FZR1: variants seen among roughly 807,000 people sequenced by gnomAD.
FZR1 encodes the protein fizzy and cell division cycle 20 related 1, also known as fizzy-related protein homolog.
In FZR1, 11 loss-of-function variants were observed where a neutral mutation model predicts 63.6. The observed-to-expected ratio is 0.17, with a 90% CI of 0.11 to 0.29. FZR1 has a LOEUF of 0.29. Ranked by LOEUF, FZR1 falls within the 10% of genes least tolerant of loss-of-function variation. The pLI is 1.00. For synonymous variants in FZR1, 328 were observed against 297.9 expected (o/e 1.10, Z -1.04); for missense variants, 440 against 687.5 (o/e 0.64, Z 4.03).
At chr19:3,508,847 A>G (rs1038055015) in intron 1 of FZR1, among the ~76,000 whole-genome samples, 4 of 152,180 alleles carry the variant, frequency 2.6e-5, no homozygotes, top group African/African-American at 9.7e-5. Flanking sequence ...ACGGCCCAGT[A>G]CAGAAAGCAG....
intron 1 of FZR1, among the ~76,000 whole-genome samples, chr19:3,522,059 A>G (rs1349837113): frequency 6.6e-6 from 1 of 152,162 alleles, no homozygotes; most frequent in Non-Finnish European, 1.5e-5. Context: ...TGATTGTGCC[A>G]TGGCACTACA....
chr19:3,521,021 G>A (rs1007200775), intron 1 of FZR1, among the ~76,000 whole-genome samples: 4 of 152,212 alleles, frequency 2.6e-5, no homozygotes, highest in Non-Finnish European at 4.4e-5. Flanking sequence ...GCGTGTCCGC[G>A]CTGTGGCCTG....
rs752397201 is a variant in FZR1 at position 3,531,892 on chromosome 19, G to C, written c.824-19G>C. ...GCGAGGGCAGGAGAGGCTCACCCCC[G>C]CTTCCACCTGGCCTCCAGGGGCGCT... On this transcript the variant is annotated intron_variant, in intron 9 of 13. Transcript: ENST00000441788. 6.3e-7 allele frequency: 1 copy of C among 1,582,016 alleles called. No homozygotes were observed. The highest frequency in any genetic ancestry group is 1.3e-5 in the African/African-American group (1 of 74,532).
At chr19:3,532,986 G>A (rs2122024026) in intron 11 of FZR1, among the ~76,000 whole-genome samples, 1 of 152,062 alleles carries the variant, frequency 6.6e-6, no homozygotes, top group Middle Eastern at 3.4e-3. Flanking sequence ...GCCTGCTCCA[G>A]CCACTCCGGG....
chr19:3,529,295 T>TG (rs955878918), intron 7 of FZR1, among the ~76,000 whole-genome samples: 2 of 122,100 alleles, frequency 1.6e-5, no homozygotes, highest in African/African-American at 6.5e-5. Context: ...AGGAAGTGGA[T>TG]GGTTGAGTGG....
intron 12 of FZR1, 109 bp from the exon 13 acceptor site, chr19:3,534,312 T>TG: frequency 1.7e-6 from 1 of 597,780 alleles, no homozygotes; most frequent in Non-Finnish European, 3.0e-6. Context: ...CTCCAGAGTC[T>TG]GGGGGGCCCA....
chr19:3,510,281 C>T (rs540207113), intron 1 of FZR1, among the ~76,000 whole-genome samples: 3 of 152,282 alleles, frequency 2.0e-5, no homozygotes, highest in East Asian at 1.9e-4. Flanking sequence ...GGACTCCAGG[C>T]GCGCCACCAT....
intron 2 of FZR1, among the ~76,000 whole-genome samples, chr19:3,524,876 C>T (rs1000104529): frequency 4.6e-5 from 7 of 152,186 alleles, no homozygotes; most frequent in Non-Finnish European, 1.0e-4. Flanking sequence ...AATCAGGGCT[C>T]ACCCTAATGG....
rs1030517459 is a variant in FZR1 at position 3,526,860 on chromosome 19, C to T, written c.388-120C>T. The stretch of plus-strand genomic sequence containing the variant: ...CGCCTGCCTTTTTACAGCTGCTCCA[C>T]ACAGGGTCTCAGCACCTGCCTTAGG... On this transcript the variant is annotated intron_variant, in intron 5 of 13. Coordinates refer to ENST00000441788, the MANE Select transcript of FZR1 (RefSeq NM_016263.4). This position sits in a 1 kb window ranked among gnomAD's most constrained non-coding sequence, Gnocchi z 5.4. 3 of 721,554 alleles carry T rather than the reference C, an allele frequency of 4.2e-6. No individual in the cohort carries two copies. Among genetic ancestry groups the T allele is most frequent in the African/African-American group, 3.5e-5 (2 of 57,322 alleles). The allele number at this position is 721,554 out of a possible 1,614,324, so 44.7% of individuals were successfully genotyped here. A position where few individuals can be genotyped will look rare whatever the true frequency, so the allele number is the denominator to read the frequency against.
intron 7 of FZR1, among the ~76,000 whole-genome samples, chr19:3,529,345 GGAGTGGATGGGA>G (rs1465264198): frequency 7.6e-6 from 1 of 131,978 alleles, no homozygotes. Context: ...AGTGGTTGAG[GGAGTGGATGGGA>G]GAGCGGATGG....
At position 3,515,373 on chromosome 19, in the gene FZR1, A is replaced by T. The variant is rs962161591; in HGVS notation, c.-34-7583A>T. ...AAACCTTCCGAGCATCCAGCAAAGG[A>T]GGGAGAATGCGGTGGTGCCCGGTCT... On this transcript the variant is annotated intron_variant, in intron 1 of 13. Coordinates refer to ENST00000441788, the MANE Select transcript of FZR1 (RefSeq NM_016263.4). This position sits in a 1 kb window ranked among gnomAD's most constrained non-coding sequence, Gnocchi z 4.6. Among the ~76,000 whole-genome samples, 2 of 152,310 alleles carry T rather than the reference A, an allele frequency of 1.3e-5. No homozygotes were observed. The highest frequency in any genetic ancestry group is 4.8e-5 in the African/African-American group (2 of 41,562).
At position 3,530,251 on chromosome 19, in the gene FZR1, TGAGCGGATGGGAGAGCGGATGGGA is replaced by T. The variant is rs1271857105; in HGVS notation, c.655-523_655-500del. The stretch of plus-strand genomic sequence containing the variant: ...GTGAGCGGATGGGAGAGCAGATGGG[TGAGCGGATGGGAGAGCGGATGGGA>T]GAGCGGATGGGAGAGCGCAGGGGAG... On this transcript the variant is annotated intron_variant, in intron 7 of 13. Transcript: ENST00000441788. Among the ~76,000 whole-genome samples the T allele has an allele frequency of 1.0e-4, 7 of 68,868 alleles. 1 individual carries two copies. The highest frequency in any genetic ancestry group is 1.1e-3 in the South Asian group (2 of 1,884). The allele number at this position is 68,868 out of a possible 152,430, so 45.2% of individuals were successfully genotyped here.
At position 3,526,045 on chromosome 19, in the gene FZR1, C is replaced by T; in HGVS notation, c.195+52C>T. ...GGACCCCCCGGGAAGCCCAGGGCCCCTCCCAGCCTCCTTGCTCTAGGGCCG... is the reference window on the plus strand; with the variant it reads ...GGACCCCCCGGGAAGCCCAGGGCCCTTCCCAGCCTCCTTGCTCTAGGGCCG... On this transcript the variant is annotated intron_variant, in intron 3 of 13. Transcript: ENST00000441788. This position sits in a 1 kb window ranked among gnomAD's most constrained non-coding sequence, Gnocchi z 5.4. The T allele has an allele frequency of 5.0e-6, 8 of 1,611,720 alleles. No homozygotes were observed. Among genetic ancestry groups the T allele is most frequent in the Non-Finnish European group, 6.8e-6 (8 of 1,179,294 alleles).
rs192429758 is a variant in FZR1 at position 3,508,024 on chromosome 19, G to A, written c.-35+1550G>A. Among the ~76,000 whole-genome samples, 14 of 151,804 alleles carry A rather than the reference G, an allele frequency of 9.2e-5. No individual in the cohort carries two copies. In the East Asian group the frequency reaches 2.5e-3, roughly 27 times the overall value. ...TACTGGGGAGGGGTATCTTGGCAAG[G>A]TGGTACCCGCCAGTTTGCCCCTGTG... On this transcript the variant is annotated intron_variant, in intron 1 of 13. Coordinates refer to ENST00000441788, the MANE Select transcript of FZR1 (RefSeq NM_016263.4).
rs1183702981 is a variant in FZR1 at position 3,533,474 on chromosome 19, C to T, written c.1347+76C>T. 2.3e-6 allele frequency: 2 copies of T among 876,400 alleles called. No individual in the cohort carries two copies. The highest frequency in any genetic ancestry group is 1.8e-5 in the Admixed American group (1 of 54,358). The allele number at this position is 876,400 out of a possible 1,614,324, so 54.3% of individuals were successfully genotyped here. On this transcript the variant is annotated intron_variant, in intron 12 of 13. Transcript: ENST00000441788. This position sits in a 1 kb window ranked among gnomAD's most constrained non-coding sequence, Gnocchi z 4.9. ...CCATGGCCACCCCAGAGCACCCTGTCCTGTGTTCTTAGGGAGGATGGTGTG... is the reference window on the plus strand; with the variant it reads ...CCATGGCCACCCCAGAGCACCCTGTTCTGTGTTCTTAGGGAGGATGGTGTG...
Position 3,534,828 on chromosome 19 carries a change from A to G in FZR1, c.1474A>G (p.Ile492Val), listed in dbSNP as rs2083281044. Residue 492 changes from isoleucine to valine, a missense_variant, in exon 14 of 14, where the codon ATC becomes GTC. Around this residue, in one of 5 missense-constraint regions of FZR1, gnomAD observed 28 missense variants for 26.3 expected, o/e 1.06. Coordinates refer to ENST00000441788, the MANE Select transcript of FZR1 (RefSeq NM_016263.4). ...GTCTGTGCTCAACCTCTTCACCAGGATCCGGTAAACCTGCCGGGCAGGACC... is the reference window on the plus strand; with the variant it reads ...GTCTGTGCTCAACCTCTTCACCAGGGTCCGGTAAACCTGCCGGGCAGGACC... Reference protein sequence around the residue: ...SVSVLNLFTRIR With the variant: ...SVSVLNLFTRVR 1 of 1,612,858 alleles carries G rather than the reference A, an allele frequency of 6.2e-7. No individual in the cohort carries two copies. The highest frequency in any genetic ancestry group is 2.2e-5 in the East Asian group (1 of 44,868).
Position 3,531,743 on chromosome 19 carries a change from G to A in FZR1, c.750G>A (p.Lys250=), listed in dbSNP as rs900894530. The change falls in exon 9 of 14, where the codon AAG becomes AAA. Residue 250 remains lysine (K), a synonymous_variant. Transcript: ENST00000441788. ...ACCTGGTGGCGGTGGGCACACACAA[G>A]GGCTTCGTGCAGATCTGGGACGCAG... The part of the protein sequence containing the change: ...RGNLVAVGTH[K]GFVQIWDAAA... 1 of 1,549,820 alleles carries A rather than the reference G, an allele frequency of 6.5e-7. No individual in the cohort carries two copies. The highest frequency in any genetic ancestry group is 8.7e-7 in the Non-Finnish European group (1 of 1,146,570).
chr19:3,521,704 G>A (rs905684381), intron 1 of FZR1, among the ~76,000 whole-genome samples: 2 of 152,242 alleles, frequency 1.3e-5, no homozygotes, highest in Middle Eastern at 3.4e-3. Context: ...GTTTCACCAC[G>A]TTGGCCAGGC....
intron 10 of FZR1, 22 bp downstream of exon 10, chr19:3,532,117 G>A: frequency 6.7e-7 from 1 of 1,484,624 alleles, no homozygotes; most frequent in East Asian, 2.5e-5. Context: ...CAGAGCCTGG[G>A]CTTCCCCTTC....
Sources: allele counts gnomAD v4.1 joint callset (sites outside exome capture counted in the v4.1 genomes callset), GRCh38; gene constraint gnomAD v4.1.1; regional missense constraint gnomAD v4.1.1; non-coding constraint Gnocchi (gnomAD v3.1); transcripts MANE v1.5; gene names NCBI Gene and HGNC (gene_info 2026-07-23, HGNC 2026-07-21).